GPC5: variants seen among roughly 807,000 people sequenced by gnomAD.
GPC5 encodes the protein glypican 5.
GPC5 carries 47 observed loss-of-function variants against 53.9 expected under a neutral mutation model. That is an observed-to-expected ratio of 0.87 (90% CI 0.69 to 1.11). The LOEUF (loss-of-function observed/expected upper bound fraction) is 1.11. Ranked by LOEUF, GPC5 falls within the 50% of genes most tolerant of loss-of-function variation. The pLI, the probability that GPC5 is intolerant of heterozygous loss-of-function variation, is 0.00. For missense variants in GPC5, 748 were observed against 713.1 expected (o/e 1.05, Z -0.56); for synonymous variants, 286 against 263.3 (o/e 1.09, Z -0.84).
chr13:92,552,888 T>C (rs1332752988), intron 7 of GPC5, among the ~76,000 whole-genome samples: 1 of 152,018 alleles, frequency 6.6e-6, no homozygotes, highest in Non-Finnish European at 1.5e-5. Flanking sequence ...AAGGGTTCTC[T>C]CTTACTTCTA....
At chr13:92,745,667 A>G (rs1594474091) in intron 7 of GPC5, among the ~76,000 whole-genome samples, 1 of 152,060 alleles carries the variant, frequency 6.6e-6, no homozygotes, top group Non-Finnish European at 1.5e-5. Context: ...ATTGATCATG[A>G]ATATAAGGTT....
At chr13:92,176,827 T>C (rs1457818193) in intron 7 of GPC5, among the ~76,000 whole-genome samples, 1 of 152,150 alleles carries the variant, frequency 6.6e-6, no homozygotes, top group East Asian at 1.9e-4. Flanking sequence ...ACTGGAGACC[T>C]AGGTATACAC....
At chr13:91,942,699 AC>A (rs775309176) in intron 6 of GPC5, among the ~76,000 whole-genome samples, 7 of 151,990 alleles carry the variant, frequency 4.6e-5, no homozygotes, top group Non-Finnish European at 8.8e-5. Context: ...GACACTGAAA[AC>A]TTTCATCATT....
At chr13:91,889,592 G>A (rs1488890750) in intron 5 of GPC5, among the ~76,000 whole-genome samples, 4 of 152,018 alleles carry the variant, frequency 2.6e-5, no homozygotes, top group Non-Finnish European at 2.9e-5. Flanking sequence ...ACTAGAGTTG[G>A]TACTGTTTTG....
At chr13:91,992,030 T>A (rs1368128741) in intron 6 of GPC5, among the ~76,000 whole-genome samples, 1 of 152,208 alleles carries the variant, frequency 6.6e-6, no homozygotes, top group African/African-American at 2.4e-5. Context: ...ACTATATTTC[T>A]TTTGATTTTT....
chr13:92,468,124 C>T (rs937388698), intron 7 of GPC5, among the ~76,000 whole-genome samples: 1 of 151,740 alleles, frequency 6.6e-6, no homozygotes, highest in African/African-American at 2.4e-5. Context: ...TCTTTATAGG[C>T]GAAAATAGTA....
intron 2 of GPC5, among the ~76,000 whole-genome samples, chr13:91,683,529 C>G (rs535273715): frequency 6.6e-6 from 1 of 152,178 alleles, no homozygotes; most frequent in Non-Finnish European, 1.5e-5. Flanking sequence ...CTTTGCCTGC[C>G]GGAAGAGTCA....
chr13:91,454,238 A>G (rs1881384613), intron 2 of GPC5, among the ~76,000 whole-genome samples: 1 of 152,102 alleles, frequency 6.6e-6, no homozygotes, highest in African/African-American at 2.4e-5. Flanking sequence ...CAAGAGCTTA[A>G]ATTACTTTTC....
At chr13:92,327,481 A>C (rs1472018585) in intron 7 of GPC5, among the ~76,000 whole-genome samples, 1 of 152,170 alleles carries the variant, frequency 6.6e-6, no homozygotes, top group Non-Finnish European at 1.5e-5. Context: ...TACTCAACCT[A>C]TCAAAATAAT....
intron 5 of GPC5, among the ~76,000 whole-genome samples, chr13:91,848,462 C>CA (rs2038876315): frequency 1.3e-5 from 2 of 152,076 alleles, no homozygotes; most frequent in Admixed American, 1.3e-4. Context: ...GATAGACATA[C>CA]CTATGGGAAT....
intron 2 of GPC5, among the ~76,000 whole-genome samples, chr13:91,651,181 AAAACTTCTGT>A (rs1282528969): frequency 2.0e-5 from 3 of 152,200 alleles, no homozygotes; most frequent in Non-Finnish European, 4.4e-5. Context: ...ATGTGGCTTT[AAAACTTCTGT>A]AGAAATGGTC....
chr13:92,713,799 A>G (rs1251933588), intron 7 of GPC5, among the ~76,000 whole-genome samples: 1 of 152,112 alleles, frequency 6.6e-6, no homozygotes, highest in African/African-American at 2.4e-5. Context: ...AAAACAAGAA[A>G]AAGTGACAAC....
Position 92,622,276 on chromosome 13 carries a change from C to T in GPC5, c.1562-244006C>T, listed in dbSNP as rs77257025. Among the ~76,000 whole-genome samples, 330 of 152,322 alleles carry T rather than the reference C, an allele frequency of 2.2e-3. 3 individuals carry two copies. Among genetic ancestry groups the T allele is most frequent in the African/African-American group, 7.8e-3 (324 of 41,576 alleles). ...CCTGGAGGTCTGTCCTCAGCTACATCGCCACAGGTCTGGGTTCTGAAACCT... is the reference window on the plus strand; with the variant it reads ...CCTGGAGGTCTGTCCTCAGCTACATTGCCACAGGTCTGGGTTCTGAAACCT... On this transcript the variant is annotated intron_variant, in intron 7 of 7. Transcript: ENST00000377067.
intron 7 of GPC5, among the ~76,000 whole-genome samples, chr13:92,491,554 G>C (rs994618035): frequency 6.6e-6 from 1 of 151,948 alleles, no homozygotes; most frequent in South Asian, 2.1e-4. Context: ...ACATTCATTT[G>C]GTCAGGAGAT....
intron 3 of GPC5, among the ~76,000 whole-genome samples, chr13:91,698,749 C>A (rs759119379): frequency 1.1e-4 from 15 of 142,474 alleles, no homozygotes; most frequent in Non-Finnish European, 2.1e-4. Context: ...GTAACTATCA[C>A]ACATGAACTT....
intron 7 of GPC5, among the ~76,000 whole-genome samples, chr13:92,522,825 G>T (rs747911636): frequency 6.6e-6 from 1 of 152,006 alleles, no homozygotes; most frequent in Non-Finnish European, 1.5e-5. Flanking sequence ...CAACTTATTT[G>T]CTAAATTCTG....
chr13:92,226,645 G>A (rs528754322), intron 7 of GPC5, among the ~76,000 whole-genome samples: 1 of 148,216 alleles, frequency 6.7e-6, no homozygotes, highest in Non-Finnish European at 1.5e-5. Context: ...TTTTTTTTGA[G>A]GTGGAGTTTC....
chr13:92,597,827 C>A (rs1883929197), intron 7 of GPC5, among the ~76,000 whole-genome samples: 1 of 152,220 alleles, frequency 6.6e-6, no homozygotes, highest in African/African-American at 2.4e-5. Flanking sequence ...TGGCATCTGG[C>A]ATGCTTGCAT....
intron 7 of GPC5, among the ~76,000 whole-genome samples, chr13:92,658,686 T>C (rs1393699984): frequency 6.6e-6 from 1 of 151,566 alleles, no homozygotes; most frequent in East Asian, 1.9e-4. Context: ...AAGGAAGAGA[T>C]AGGCATTTCA....
Sources: allele counts gnomAD v4.1 joint callset (sites outside exome capture counted in the v4.1 genomes callset), GRCh38; gene constraint gnomAD v4.1.1; transcripts MANE v1.5; gene names NCBI Gene and HGNC (gene_info 2026-07-23, HGNC 2026-07-21).